The following TENM4 variants were observed in gnomAD, a reference collection of about 807,000 sequenced individuals.
TENM4 encodes the protein teneurin transmembrane protein 4.
A neutral mutation model predicts 243.3 loss-of-function variants in TENM4; 82 were observed. That is an observed-to-expected ratio of 0.34 (90% CI 0.28 to 0.40). The LOEUF is 0.40. Ranked by LOEUF, TENM4 falls within the 10% of genes least tolerant of loss-of-function variation. TENM4 has a pLI of 1.00. For missense variants in TENM4, 3,138 were observed against 3,673.3 expected (o/e 0.85, Z 3.77); for synonymous variants, 1,412 against 1,456.3 (o/e 0.97, Z 0.69).
At chr11:79,371,679 T>C (rs961607916) in intron 1 of TENM4, among the ~76,000 whole-genome samples, 2 of 152,202 alleles carry the variant, frequency 1.3e-5, no homozygotes, top group Non-Finnish European at 2.9e-5. Flanking sequence ...GGAACTGTGG[T>C]TCCCAAATTT....
intron 6 of TENM4, among the ~76,000 whole-genome samples, chr11:79,019,028 A>G (rs1858854516): frequency 6.6e-6 from 1 of 152,086 alleles, no homozygotes; most frequent in African/African-American, 2.4e-5. Flanking sequence ...ATTCCATGGT[A>G]GTGGTTTGAA....
At chr11:79,086,837 A>AAAAG (rs1439964259) in intron 4 of TENM4, among the ~76,000 whole-genome samples, 1 of 147,540 alleles carries the variant, frequency 6.8e-6, no homozygotes, top group East Asian at 2.0e-4. Context: ...CTGTCTCGCA[A>AAAAG]AAAAAAAAAA....
chr11:78,732,872 C>T (rs187380917), intron 20 of TENM4, among the ~76,000 whole-genome samples: 5 of 152,154 alleles, frequency 3.3e-5, no homozygotes, highest in African/African-American at 1.2e-4. Flanking sequence ...GCTGCTGGTA[C>T]TTAGGGCCTT....
At chr11:79,354,708 C>T (rs574441899) in intron 1 of TENM4, among the ~76,000 whole-genome samples, 4 of 152,274 alleles carry the variant, frequency 2.6e-5, no homozygotes, top group African/African-American at 7.2e-5. Flanking sequence ...CTCAATCCAT[C>T]CCTTTTCTGA....
intron 12 of TENM4, among the ~76,000 whole-genome samples, chr11:78,851,300 A>G (rs997008780): frequency 1.1e-4 from 16 of 152,280 alleles, no homozygotes; most frequent in African/African-American, 3.6e-4. Context: ...CCTAAAATAC[A>G]GGGTTAAGAG....
rs538562640 is a variant in TENM4, at chr11:78,943,177, G to A, written c.494-39654C>T. Among the ~76,000 whole-genome samples, 65 of 152,344 alleles carry A rather than the reference G, an allele frequency of 4.3e-4. 1 individual carries two copies. The highest frequency in any genetic ancestry group is 6.8e-4 in the Non-Finnish European group (46 of 68,036). The stretch of plus-strand genomic sequence containing the variant: ...TGCTGAGTTTGCTCAGACAGCAAAC[G>A]CAGTCTGTAGGTGGCAACCCCCAAG... On this transcript the variant is annotated intron_variant, in intron 6 of 33. Coordinates refer to ENST00000278550, the MANE Select transcript of TENM4 (RefSeq NM_001098816.3).
intron 6 of TENM4, among the ~76,000 whole-genome samples, chr11:78,980,190 A>T (rs987858403): frequency 2.6e-5 from 4 of 152,220 alleles, no homozygotes; most frequent in Non-Finnish European, 5.9e-5. Context: ...TAATAACAAC[A>T]ATGATAATAA....
At position 79,204,630 on chromosome 11, in the gene TENM4, T is replaced by C. The variant is rs139914482; in HGVS notation, c.-163+11178A>G. On this transcript the variant is annotated intron_variant, in intron 3 of 33. Transcript: ENST00000278550. ...ATGCAGAGCCATAGATAGGCTGATA[T>C]ACTGCTTGAGGGAGAATAAATAGGT... Among the ~76,000 whole-genome samples, 601 of 152,340 alleles carry C rather than the reference T, an allele frequency of 3.9e-3. 5 individuals carry two copies. Among genetic ancestry groups the C allele is most frequent in the African/African-American group, 0.014 (572 of 41,580 alleles).
At chr11:79,042,990 C>A (rs1859574970) in intron 6 of TENM4, among the ~76,000 whole-genome samples, 1 of 152,186 alleles carries the variant, frequency 6.6e-6, no homozygotes, top group Admixed American at 6.5e-5. Context: ...CAAAAGCCAC[C>A]TGCGCTGAGC....
At chr11:79,073,377 T>C (rs1444815462) in intron 4 of TENM4, among the ~76,000 whole-genome samples, 1 of 152,178 alleles carries the variant, frequency 6.6e-6, no homozygotes, top group East Asian at 1.9e-4. Flanking sequence ...TGCAGCCCAC[T>C]AGATGATCTT....
chr11:79,398,305 A>C (rs953125169), intron 1 of TENM4, among the ~76,000 whole-genome samples: 20 of 151,902 alleles, frequency 1.3e-4, no homozygotes, highest in African/African-American at 4.8e-4. Flanking sequence ...AGCAGCAGAC[A>C]AGTAGGGGTG....
chr11:78,695,942 T>C (rs1858949826), intron 28 of TENM4, among the ~76,000 whole-genome samples: 2 of 152,024 alleles, frequency 1.3e-5, no homozygotes, highest in Admixed American at 6.6e-5. Flanking sequence ...TAATTATGGG[T>C]AATTCTCTGC....
chr11:79,361,656 C>CT (rs1857591613), intron 1 of TENM4, among the ~76,000 whole-genome samples: 1 of 152,066 alleles, frequency 6.6e-6, no homozygotes, highest in African/African-American at 2.4e-5. Flanking sequence ...CCCTGAATGG[C>CT]ACAAATAGAC....
Position 79,438,561 on chromosome 11 carries a change from T to G in TENM4, c.-321+1948A>C, listed in dbSNP as rs1859327616. 6.6e-6 allele frequency among the ~76,000 whole-genome samples: 1 copy of G among 152,182 alleles called. No individual in the cohort carries two copies. Among genetic ancestry groups the G allele is most frequent in the Non-Finnish European group, 1.5e-5 (1 of 68,042 alleles). The stretch of plus-strand genomic sequence containing the variant: ...CCAGCGTGGGCCTGGATGGCTGGGC[T>G]GCCTGGGCATCTCCAAGGGGGACCA... On this transcript the variant is annotated intron_variant, in intron 1 of 33. Transcript: ENST00000278550. The surrounding 1 kb of genome is among the most constrained non-coding windows in gnomAD (Gnocchi z 4.1).
chr11:78,669,160 G>A lies in TENM4; in HGVS notation c.7185C>T (p.Asn2395=), dbSNP rs745657244. The change falls in exon 32 of 34, where the codon AAC becomes AAT. Residue 2395 remains asparagine (N), a synonymous_variant. Coordinates refer to ENST00000278550, the MANE Select transcript of TENM4 (RefSeq NM_001098816.3). The surrounding 1 kb of genome is among the most constrained non-coding windows in gnomAD (Gnocchi z 6.4). Reference sequence around the variant, plus strand: ...CATGGTAGCCTATGATGATCTGAAAGTTGGGGTTGGTATCCATGTAGATCT... The same window carrying A: ...CATGGTAGCCTATGATGATCTGAAAATTGGGGTTGGTATCCATGTAGATCT... The part of the protein sequence containing the change: ...YGEIYMDTNP[N]FQIIIGYHGG... The A allele has an allele frequency of 1.9e-6, 3 of 1,613,858 alleles. No homozygotes were observed. In the East Asian group the frequency reaches 6.7e-5, roughly 36 times the overall value.
intron 26 of TENM4, among the ~76,000 whole-genome samples, chr11:78,711,798 A>G (rs1859403631): frequency 6.6e-6 from 1 of 152,172 alleles, no homozygotes; most frequent in African/African-American, 2.4e-5. Context: ...CCCCATGAAC[A>G]GCTCTTTCTT....
At chr11:79,177,644 C>T (rs897074312) in intron 3 of TENM4, among the ~76,000 whole-genome samples, 6 of 152,018 alleles carry the variant, frequency 3.9e-5, no homozygotes, top group Admixed American at 1.3e-4. Context: ...ATGGTTAGGG[C>T]GGGAATGTCT....
chr11:78,807,071 A>G (rs769666828), intron 14 of TENM4, among the ~76,000 whole-genome samples: 2 of 152,194 alleles, frequency 1.3e-5, no homozygotes, highest in Non-Finnish European at 2.9e-5. Flanking sequence ...ATATGTTCAT[A>G]CCTCATTTTG....
intron 8 of TENM4, among the ~76,000 whole-genome samples, chr11:78,890,453 GTTC>G (rs1855637126): frequency 6.6e-6 from 1 of 152,170 alleles, no homozygotes; most frequent in Admixed American, 6.5e-5. Context: ...ACTTAAAATT[GTTC>G]TTCTCCCTCC....
Sources: gnomAD v4.1 joint callset for allele counts (sites outside exome capture counted in the v4.1 genomes callset) on GRCh38, gnomAD v4.1.1 for gene constraint, Gnocchi (gnomAD v3.1) non-coding constraint, MANE v1.5 for transcripts, NCBI Gene and HGNC (gene_info 2026-07-23, HGNC 2026-07-21) for gene names.